The following GLDN variants were observed in gnomAD, a reference collection of about 807,000 sequenced individuals.
GLDN encodes collomin.
In GLDN, 47 loss-of-function variants were observed where a neutral mutation model predicts 56.5. The observed-to-expected ratio is 0.83, with a 90% confidence interval of 0.66 to 1.06. The LOEUF (loss-of-function observed/expected upper bound fraction) is 1.06, where lower values mean the gene tolerates loss of function less well. Among genes scored for constraint, GLDN ranks in the 50% least tolerant of loss-of-function variants. The pLI, the probability that GLDN is intolerant of heterozygous loss-of-function variation, is 0.00. For synonymous variants in GLDN, 332 were observed against 278.8 expected (o/e 1.19, Z -1.90); for missense variants, 782 against 714.3 (o/e 1.09, Z -1.08).
At position 51,404,658 on chromosome 15, in the gene GLDN, A is replaced by C; in HGVS notation, c.1560A>C (p.Leu520Phe). ...LRTSQSVLAM[L>F]AYNMRDQHLY... ...CTTCCCAGTCTGTTCTTGCCATGTT[A>C]GCATACAACATGAGAGATCAGCATT... The change falls in exon 10 of 10, where the codon TTA (leucine) becomes TTC (phenylalanine). Residue 520 changes from leucine (L) to phenylalanine (F), a missense_variant. Coordinates refer to ENST00000335449, the MANE Select transcript of GLDN (RefSeq NM_181789.4). The C allele has an allele frequency of 6.2e-7, 1 of 1,611,932 alleles. No individual in the cohort carries two copies. Among genetic ancestry groups the C allele is most frequent in the Non-Finnish European group, 8.5e-7 (1 of 1,177,910 alleles).
intron 9 of GLDN, among the ~76,000 whole-genome samples, chr15:51,404,037 C>T (rs994606331): frequency 4.7e-5 from 7 of 148,512 alleles, no homozygotes; most frequent in Non-Finnish European, 7.5e-5. Context: ...TATTCTGACA[C>T]CACACCACTG....
intron 1 of GLDN, among the ~76,000 whole-genome samples, chr15:51,347,916 T>C (rs1280086940): frequency 2.0e-5 from 3 of 152,208 alleles, no homozygotes; most frequent in African/African-American, 4.8e-5. Context: ...GGATATATTC[T>C]AAGTGAACAA....
intron 1 of GLDN, among the ~76,000 whole-genome samples, chr15:51,355,528 T>TC: frequency 6.8e-6 from 1 of 147,900 alleles, no homozygotes; most frequent in East Asian, 2.0e-4. Context: ...TTTCTTTCTT[T>TC]TTTTTTTTTT....
At chr15:51,412,425 GTC>G (rs2038476737), downstream of GLDN, among the ~76,000 whole-genome samples, 8 of 152,176 alleles carry the variant, frequency 5.3e-5, no homozygotes, top group South Asian at 1.7e-3. Flanking sequence ...GTCCTTAGGA[GTC>G]TGACAAGGTA....
rs1393209857 is a variant in GLDN, at chr15:51,397,594, C to T, written c.813C>T (p.Cys271=). The change falls in exon 6 of 10, where the codon TGC becomes TGT. Residue 271 remains cysteine (C), a synonymous_variant. Coordinates refer to ENST00000335449, the MANE Select transcript of GLDN (RefSeq NM_181789.4). ...AGCCAAGCATGTTCAACGGCCAGTG[C>T]CCAGGTCACCACCTCTCCCCTACGG... ...PRQPSMFNGQ[C]PGETCAIPND... 6.3e-7 allele frequency: 1 copy of T among 1,590,662 alleles called. No individual in the cohort carries two copies. Among genetic ancestry groups the T allele is most frequent in the East Asian group, 2.3e-5 (1 of 42,708 alleles).
chr15:51,343,895 C>T lies in GLDN; in HGVS notation c.363+1848C>T, dbSNP rs548748935. 8.5e-5 allele frequency among the ~76,000 whole-genome samples: 13 copies of T among 152,302 alleles called. No individual in the cohort carries two copies. The South Asian group carries it at 2.1e-3, about 24-fold the overall frequency. On this transcript the variant is annotated intron_variant, in intron 1 of 9. Coordinates refer to ENST00000335449, the MANE Select transcript of GLDN (RefSeq NM_181789.4). ...TCCAGAATCTGCTTTATTAGAAGTCCTCTGACCCTCATCCCCCCACCTCCT... is the reference window on the plus strand; with the variant it reads ...TCCAGAATCTGCTTTATTAGAAGTCTTCTGACCCTCATCCCCCCACCTCCT...
downstream of GLDN, among the ~76,000 whole-genome samples, chr15:51,412,371 A>AG (rs2038476137): frequency 6.6e-6 from 1 of 152,164 alleles, no homozygotes; most frequent in Non-Finnish European, 1.5e-5. Flanking sequence ...ATAGGAGGAG[A>AG]CTCAGCAAGT....
At chr15:51,359,306 T>C (rs2037246595) in intron 1 of GLDN, among the ~76,000 whole-genome samples, 1 of 152,222 alleles carries the variant, frequency 6.6e-6, no homozygotes, top group African/African-American at 2.4e-5. Context: ...GGACAATCTT[T>C]TGATTTAGCA....
At chr15:51,372,560 T>A (rs926715929) in intron 1 of GLDN, among the ~76,000 whole-genome samples, 8 of 152,330 alleles carry the variant, frequency 5.3e-5, no homozygotes, top group African/African-American at 1.7e-4. Flanking sequence ...TCGTTCCCAC[T>A]AAGTCTGTCC....
At chr15:51,369,490 T>C (rs2037472384) in intron 1 of GLDN, among the ~76,000 whole-genome samples, 1 of 151,966 alleles carries the variant, frequency 6.6e-6, no homozygotes, top group Non-Finnish European at 1.5e-5. Context: ...CAAACCAGAG[T>C]AGCTGATGAT....
At chr15:51,401,912 A>G (rs894471189) in intron 9 of GLDN, among the ~76,000 whole-genome samples, 169 bp downstream of exon 9, 1 of 152,164 alleles carries the variant, frequency 6.6e-6, no homozygotes, top group Non-Finnish European at 1.5e-5. Flanking sequence ...AGGATATGTT[A>G]GTGAGCCCCA....
In GLDN at chr15:51,383,874, G is replaced by A; in HGVS notation, c.523G>A (p.Gly175Arg). The A allele has an allele frequency of 6.2e-7, 1 of 1,607,852 alleles. No individual in the cohort carries two copies. The highest frequency in any genetic ancestry group is 1.1e-5 in the South Asian group (1 of 89,562). Residue 175 changes from glycine (G) to arginine (R), a missense_variant, in exon 4 of 10, where the codon GGA (glycine) becomes AGA (arginine). Physicochemically the swap from Gly to Arg is moderately radical, Grantham distance 125. Coordinates refer to ENST00000335449, the MANE Select transcript of GLDN (RefSeq NM_181789.4). Reference protein sequence around the residue: ...QGPKGEKGANGKRGKMGIPGA... With the variant: ...QGPKGEKGANRKRGKMGIPGA... Reference sequence around the variant, plus strand: ...CCCAAAAGGAGAAAAAGGAGCAAATGGAAAAAGAGGAAAAATGGGTATTTT... The same window carrying A: ...CCCAAAAGGAGAAAAAGGAGCAAATAGAAAAAGAGGAAAAATGGGTATTTT...
chr15:51,387,315 G>A lies in GLDN; in HGVS notation c.541+3423G>A, dbSNP rs534299349. 7.2e-5 allele frequency among the ~76,000 whole-genome samples: 11 copies of A among 152,334 alleles called. No homozygotes were observed. The South Asian group carries it at 1.9e-3, about 26-fold the overall frequency. On this transcript the variant is annotated intron_variant, in intron 4 of 9. Transcript: ENST00000335449. ...GTTCTGGAACTTTCCATCTTTGGTG[G>A]AGAGGCCAACATCCACAGTCAACAG...
At chr15:51,352,800 C>T (rs910678535) in intron 1 of GLDN, among the ~76,000 whole-genome samples, 1 of 152,196 alleles carries the variant, frequency 6.6e-6, no homozygotes, top group African/African-American at 2.4e-5. Context: ...AACCTCCAAG[C>T]TTCCCTCGTT....
intron 3 of GLDN, 32 bp from the exon 4 acceptor site, chr15:51,383,753 G>C: frequency 7.1e-7 from 1 of 1,403,020 alleles, no homozygotes; most frequent in Non-Finnish European, 9.7e-7. Flanking sequence ...TTTTTTTTTG[G>C]TTAATGTCCC....
intron 1 of GLDN, among the ~76,000 whole-genome samples, chr15:51,351,645 C>T (rs1010170876): frequency 9.2e-5 from 14 of 152,196 alleles, no homozygotes; most frequent in African/African-American, 2.7e-4. Context: ...GTCACAGGCT[C>T]ACCTGCCCAT....
intron 1 of GLDN, among the ~76,000 whole-genome samples, chr15:51,372,046 T>TGACA (rs1257053297): frequency 1.3e-5 from 2 of 152,202 alleles, no homozygotes; most frequent in African/African-American, 4.8e-5. Context: ...CTGCATCTCG[T>TGACA]GACAGCCTTC....
downstream of GLDN, among the ~76,000 whole-genome samples, chr15:51,412,033 T>A (rs1322987060): frequency 6.6e-6 from 1 of 152,246 alleles, no homozygotes; most frequent in African/African-American, 2.4e-5. Context: ...GGTGGCAACA[T>A]CAATGTTGTT....
At chr15:51,358,991 A>T (rs1429894779) in intron 1 of GLDN, among the ~76,000 whole-genome samples, 20 of 152,134 alleles carry the variant, frequency 1.3e-4, no homozygotes, top group Admixed American at 1.3e-3. Flanking sequence ...TGTAATTTAC[A>T]TCCTACCGGG....
Sources: allele counts gnomAD v4.1 joint callset (sites outside exome capture counted in the v4.1 genomes callset), GRCh38; gene constraint gnomAD v4.1.1; transcripts MANE v1.5; gene names NCBI Gene and HGNC (gene_info 2026-07-23, HGNC 2026-07-21).